The following CCNI2 variants were observed in gnomAD, a reference collection of about 807,000 sequenced individuals.
CCNI2 encodes the protein cyclin-I2.
In CCNI2, 32 loss-of-function variants were observed where a neutral mutation model predicts 33.2. The ratio of observed to expected loss-of-function variants is 0.96; its 90% CI spans 0.73 to 1.30. The LOEUF (loss-of-function observed/expected upper bound fraction) is 1.30, where lower values mean the gene tolerates loss of function less well. CCNI2 is among the 50% of genes most tolerant of loss of function. The pLI, the probability that CCNI2 is intolerant of heterozygous loss-of-function variation, is 0.00. For synonymous variants in CCNI2, 231 were observed against 219.9 expected, an observed-to-expected ratio of 1.05 and a Z score of -0.45; for missense variants, 452 against 486.2, an observed-to-expected ratio of 0.93 and a Z score of 0.66.
intron 2 of CCNI2, 94 bp downstream of exon 2, chr5:132,748,569 C>A: frequency 6.7e-7 from 1 of 1,500,040 alleles, no homozygotes; most frequent in Non-Finnish European, 9.0e-7. Context: ...TTTCCAGATG[C>A]TCAAAACCAA....
Position 132,747,781 on chromosome 5 carries a change from G to T in CCNI2, c.286G>T (p.Ala96Ser). 1.4e-6 allele frequency: 2 copies of T among 1,470,204 alleles called. No homozygotes were observed. Among genetic ancestry groups the T allele is most frequent in the South Asian group, 1.3e-5 (1 of 76,728 alleles). The allele number at this position is 1,470,204 out of a possible 1,614,324, so 91.1% of individuals were successfully genotyped here. A position where few individuals can be genotyped will look rare whatever the true frequency, so the allele number is the denominator to read the frequency against. The change falls in exon 1 of 6, where the codon GCC becomes TCC. Residue 96 changes from alanine to serine, a missense_variant. Transcript: ENST00000378731. This position sits in a 1 kb window ranked among gnomAD's most constrained non-coding sequence, Gnocchi z 4.1. ...GKTADAVPAA[A>S]PEQAPRPAPQ... Reference sequence around the variant, plus strand: ...AACCGCAGACGCGGTCCCCGCCGCCGCCCCAGAGCAAGCTCCGCGGCCGGC... The same window carrying T: ...AACCGCAGACGCGGTCCCCGCCGCCTCCCCAGAGCAAGCTCCGCGGCCGGC...
intron 4 of CCNI2, chr5:132,751,372 C>T (rs1754829362): frequency 5.0e-6 from 1 of 198,508 alleles, no homozygotes; most frequent in Non-Finnish European, 1.0e-5. Flanking sequence ...TCTTTATTCA[C>T]CTACACACAA....
Position 132,748,330 on chromosome 5 carries a change from G to A in CCNI2, c.430-17G>A, listed in dbSNP as rs368786299. ...GCTAGCGACCTTCCTCGCCCCACCTGCTCTTCTTCCTAGCAGGATGAAATC... is the reference window on the plus strand; with the variant it reads ...GCTAGCGACCTTCCTCGCCCCACCTACTCTTCTTCCTAGCAGGATGAAATC... On this transcript the variant is annotated splice_polypyrimidine_tract_variant and intron_variant, in intron 1 of 5. Coordinates refer to ENST00000378731, the MANE Select transcript of CCNI2 (RefSeq NM_001039780.4). 32 of 1,613,624 alleles carry A rather than the reference G, an allele frequency of 2.0e-5. No individual in the cohort carries two copies. The African/African-American group carries it at 4.1e-4, about 21-fold the overall frequency.
chr5:132,748,586 T>C, intron 2 of CCNI2, 111 bp downstream of exon 2: 1 of 1,334,150 alleles, frequency 7.5e-7, no homozygotes, highest in East Asian at 2.3e-5. Context: ...CCAAGGTGTA[T>C]AAACTAACTT....
At chr5:132,752,721 C>T in intron 5 of CCNI2, 145 bp from the exon 6 acceptor site, 1 of 644,536 alleles carries the variant, frequency 1.6e-6, no homozygotes, top group South Asian at 1.8e-5. Flanking sequence ...AAATGGATGT[C>T]CCTGAGATGG....
intron 5 of CCNI2, among the ~76,000 whole-genome samples, chr5:132,752,617 G>A (rs918656561): frequency 2.6e-5 from 4 of 152,134 alleles, no homozygotes. Flanking sequence ...CATTGTGGGG[G>A]CACAAGGAGG....
rs945968815 is a variant in CCNI2, at chr5:132,754,331, C to T, written c.*1361C>T. 48 of 702,758 alleles carry T rather than the reference C, an allele frequency of 6.8e-5. No individual in the cohort carries two copies. In the East Asian group the frequency reaches 1.2e-3, roughly 17 times the overall value. The allele number at this position is 702,758 out of a possible 1,614,324, so 43.5% of individuals were successfully genotyped here. On this transcript the variant is annotated 3_prime_UTR_variant, in exon 6 of 6. Transcript: ENST00000378731. ...GCTGCTCACAGCTTCCAGTGGTGGC[C>T]GTTGAGTGCCCTCTGCCTCCTTCCT...
In CCNI2 at chr5:132,752,047, C is replaced by A; in HGVS notation, c.856C>A (p.Leu286Met). 6.2e-7 allele frequency: 1 copy of A among 1,610,992 alleles called. No individual in the cohort carries two copies. The highest frequency in any genetic ancestry group is 8.5e-7 in the Non-Finnish European group (1 of 1,178,770). ...GAATCCTTCCCTCCACGTCGCATCC[C>A]TGACCAGGCAGCTGCAGCACTGTAT... is the stretch of plus-strand genomic sequence containing the variant. ...QRNPSLHVAS[L>M]TRQLQHCMAG... The change falls in exon 5 of 6, where the codon CTG becomes ATG. Residue 286 changes from leucine (L) to methionine (M), a missense_variant. By Grantham distance (15) the Leu-to-Met change is conservative (BLOSUM62 2). Coordinates refer to ENST00000378731, the MANE Select transcript of CCNI2 (RefSeq NM_001039780.4).
At position 132,747,562 on chromosome 5, in the gene CCNI2, G is replaced by A; in HGVS notation, c.67G>A (p.Gly23Ser). 2.7e-6 allele frequency: 4 copies of A among 1,498,502 alleles called. No homozygotes were observed. The highest frequency in any genetic ancestry group is 3.5e-6 in the Non-Finnish European group (4 of 1,130,056). The allele number at this position is 1,498,502 out of a possible 1,614,324, so 92.8% of individuals were successfully genotyped here. A position where few individuals can be genotyped will look rare whatever the true frequency, so the allele number is the denominator to read the frequency against. ...AGAGGTCAGCGCCGTCCAGAGCCCA[G>A]GCGGGCGTCCCGGCGCCGGTCTGGA... ...SSEVSAVQSP[G>S]GRPGAGLEET... is the part of the protein sequence containing the mutation. The change falls in exon 1 of 6, where the codon GGC (glycine) becomes AGC (serine). Residue 23 changes from glycine (G) to serine (S), a missense_variant. Transcript: ENST00000378731. The surrounding 1 kb of genome is among the most constrained non-coding windows in gnomAD (Gnocchi z 4.1).
rs188281680 is a variant in CCNI2 at position 132,748,256 on chromosome 5, C to G, written c.430-91C>G. The G allele has an allele frequency of 3.2e-4, 494 of 1,541,190 alleles. 1 individual carries two copies. Among genetic ancestry groups the G allele is most frequent in the South Asian group, 1.1e-3 (87 of 80,284 alleles). On this transcript the variant is annotated intron_variant, in intron 1 of 5. Coordinates refer to ENST00000378731, the MANE Select transcript of CCNI2 (RefSeq NM_001039780.4). ...GAAGGGACTTCTCACTGCCCCACCCCCCGCACCTTAAGCAGGAGGCTCCTG... is the reference window on the plus strand; with the variant it reads ...GAAGGGACTTCTCACTGCCCCACCCGCCGCACCTTAAGCAGGAGGCTCCTG...
At position 132,754,169 on chromosome 5, in the gene CCNI2, T is replaced by C. The variant is rs961687008; in HGVS notation, c.*1199T>C. The C allele has an allele frequency of 4.2e-6, 2 of 476,812 alleles. No individual in the cohort carries two copies. Among genetic ancestry groups the C allele is most frequent in the Non-Finnish European group, 3.8e-6 (1 of 266,046 alleles). The allele number at this position is 476,812 out of a possible 1,614,324, so 29.5% of individuals were successfully genotyped here. A position where few individuals can be genotyped will look rare whatever the true frequency, so the allele number is the denominator to read the frequency against. On this transcript the variant is annotated 3_prime_UTR_variant, in exon 6 of 6. Transcript: ENST00000378731. ...ATTACACTTTAATTGCTTCCGATCC[T>C]GTATGAGTCTTATTTTGAGCTACCA...
chr5:132,748,602 G>A lies in CCNI2; in HGVS notation c.558+127G>A, dbSNP rs1056596248. On this transcript the variant is annotated intron_variant, in intron 2 of 5. Transcript: ENST00000378731. ...CAAGGTGTATAAACTAACTTGCTCC[G>A]AGTGGAAGAGCTGGTGTTGGAACCT... The A allele has an allele frequency of 7.9e-6, 9 of 1,139,758 alleles. No individual in the cohort carries two copies. In the Admixed American group the frequency reaches 9.6e-5, roughly 12 times the overall value. 70.6% of individuals were successfully genotyped at this position (1,139,758 alleles called of 1,614,324 possible).
At position 132,747,906 on chromosome 5, in the gene CCNI2, G is replaced by T. The variant is rs774045281; in HGVS notation, c.411G>T (p.Trp137Cys). Residue 137 changes from tryptophan to cysteine, a missense_variant, in exon 1 of 6, where the codon TGG (tryptophan) becomes TGT (cysteine). Trp to Cys is a radical substitution (Grantham distance 215, BLOSUM62 -2). Coordinates refer to ENST00000378731, the MANE Select transcript of CCNI2 (RefSeq NM_001039780.4). This position sits in a 1 kb window ranked among gnomAD's most constrained non-coding sequence, Gnocchi z 4.1. Reference sequence around the variant, plus strand: ...CCCAGGACCGCGAGGCGCGCCTGTGGCGGGGCGGCAAACCCCAGGTACCCG... The same window carrying T: ...CCCAGGACCGCGAGGCGCGCCTGTGTCGGGGCGGCAAACCCCAGGTACCCG... ...QLAQDREARLWRGGKPQDEIC... is the reference protein window; with the variant it reads ...QLAQDREARLCRGGKPQDEIC... 6 of 1,387,904 alleles carry T rather than the reference G, an allele frequency of 4.3e-6. No individual in the cohort carries two copies. The East Asian group carries it at 1.5e-4, about 35-fold the overall frequency. 86.0% of individuals were successfully genotyped at this position (1,387,904 alleles called of 1,614,324 possible).
chr5:132,753,331 G>T lies in CCNI2; in HGVS notation c.*361G>T. On this transcript the variant is annotated 3_prime_UTR_variant, in exon 6 of 6. Coordinates refer to ENST00000378731, the MANE Select transcript of CCNI2 (RefSeq NM_001039780.4). Reference sequence around the variant, plus strand: ...GAGCGCTGGAATATGAAACCAAGAGGCAGGCCTGGCTCAGGGCTGAAGGGC... The same window carrying T: ...GAGCGCTGGAATATGAAACCAAGAGTCAGGCCTGGCTCAGGGCTGAAGGGC... The T allele has an allele frequency of 3.9e-6, 1 of 256,716 alleles. No homozygotes were observed. The allele number at this position is 256,716 out of a possible 1,614,324, so 15.9% of individuals were successfully genotyped here.
chr5:132,750,890 T>C lies in CCNI2; in HGVS notation c.667T>C (p.Tyr223His), dbSNP rs1754787800. 1.2e-6 allele frequency: 2 copies of C among 1,614,258 alleles called. No homozygotes were observed. Among genetic ancestry groups the C allele is most frequent in the South Asian group, 2.2e-5 (2 of 91,084 alleles). Residue 223 changes from tyrosine (Y) to histidine (H), a missense_variant, in exon 4 of 6, where the codon TAT (tyrosine) becomes CAT (histidine). By Grantham distance (83) the Tyr-to-His change is moderately conservative. Transcript: ENST00000378731. Reference protein sequence around the residue: ...IPQVKDFTKHYGSDYSPNELL... With the variant: ...IPQVKDFTKHHGSDYSPNELL... ...ACAAGTAAAAGACTTCACAAAGCAC[T>C]ATGGCTCTGACTATTCCCCGAATGA... is the stretch of plus-strand genomic sequence containing the variant.
intron 1 of CCNI2, among the ~76,000 whole-genome samples, chr5:132,748,129 G>T (rs1402376884): frequency 6.6e-6 from 1 of 152,236 alleles, no homozygotes; most frequent in Non-Finnish European, 1.5e-5. Flanking sequence ...GGGCCTGTTT[G>T]AATCAAGGAA....
At chr5:132,754,561 G>A (rs1367138263), downstream of CCNI2, 4 of 716,726 alleles carry the variant, frequency 5.6e-6, no homozygotes, top group Admixed American at 2.0e-5. Flanking sequence ...TCCTAGGACT[G>A]GGGTAAGAGA....
chr5:132,753,506 T>C lies in CCNI2; in HGVS notation c.*536T>C, dbSNP rs923540815. On this transcript the variant is annotated 3_prime_UTR_variant, in exon 6 of 6. Coordinates refer to ENST00000378731, the MANE Select transcript of CCNI2 (RefSeq NM_001039780.4). ...CCTCACATGGGACAGTCTCTGCAGA[T>C]GCATTTACCCAACCATGGCTATGAC... 1.3e-5 allele frequency: 2 copies of C among 155,230 alleles called. No individual in the cohort carries two copies. Among genetic ancestry groups the C allele is most frequent in the African/African-American group, 4.8e-5 (2 of 41,526 alleles). 9.6% of individuals were successfully genotyped at this position (155,230 alleles called of 1,614,324 possible). A position where few individuals can be genotyped will look rare whatever the true frequency, so the allele number is the denominator to read the frequency against.
At position 132,747,856 on chromosome 5, in the gene CCNI2, CG is replaced by C; in HGVS notation, c.363del (p.Leu122CysfsTer61). 2 of 1,469,938 alleles carry C rather than the reference CG, an allele frequency of 1.4e-6. No homozygotes were observed. The highest frequency in any genetic ancestry group is 1.8e-6 in the Non-Finnish European group (2 of 1,118,228). The allele number at this position is 1,469,938 out of a possible 1,614,324, so 91.1% of individuals were successfully genotyped here. ...CCTGGAAGGCGACCTGGACGAGCGCCGGCTGCTCTGCCACTTGCAGCTGGCC... is the reference window on the plus strand; with the variant it reads ...CCTGGAAGGCGACCTGGACGAGCGCCGCTGCTCTGCCACTTGCAGCTGGCC... Reference protein sequence around the residue: ...RNLEGDLDERRLLCHLQLAQD... With the variant: ...RNLEGDLDERXLLCHLQLAQD... On this transcript the variant is annotated frameshift_variant, in exon 1 of 6. Coordinates refer to ENST00000378731, the MANE Select transcript of CCNI2 (RefSeq NM_001039780.4). LOFTEE classifies it high-confidence loss of function. This position sits in a 1 kb window ranked among gnomAD's most constrained non-coding sequence, Gnocchi z 4.1.
Sources: allele counts gnomAD v4.1 joint callset (sites outside exome capture counted in the v4.1 genomes callset), GRCh38; gene constraint gnomAD v4.1.1; non-coding constraint Gnocchi (gnomAD v3.1); transcripts MANE v1.5; gene names NCBI Gene and HGNC (gene_info 2026-07-23, HGNC 2026-07-21).